Variants in PRKN observed in about 807,000 individuals in gnomAD.
PRKN encodes the protein parkin RBR E3 ubiquitin protein ligase, also known as E3 ubiquitin-protein ligase parkin.
PRKN carries 56 observed loss-of-function variants against 59.5 expected under a neutral mutation model. The ratio of observed to expected loss-of-function variants is 0.94; its 90% CI spans 0.76 to 1.18. The LOEUF is 1.18. Ranked by LOEUF, PRKN falls within the 50% of genes most tolerant of loss-of-function variation. The pLI is 0.00. For missense variants in PRKN, 657 were observed against 596.4 expected (o/e 1.10, Z -1.06); for synonymous variants, 250 against 222.1 (o/e 1.13, Z -1.12).
At chr6:162,479,374 T>C (rs1583644269) in intron 1 of PRKN, among the ~76,000 whole-genome samples, 1 of 152,006 alleles carries the variant, frequency 6.6e-6, no homozygotes, top group Admixed American at 6.6e-5. Context: ...TACAGGCGCA[T>C]GCCAACATCC....
At chr6:162,637,194 T>G (rs999046129) in intron 1 of PRKN, among the ~76,000 whole-genome samples, 1 of 151,190 alleles carries the variant, frequency 6.6e-6, no homozygotes, top group Non-Finnish European at 1.5e-5. Flanking sequence ...GAGGCAGAGG[T>G]TGCAGTGGGC....
intron 5 of PRKN, among the ~76,000 whole-genome samples, chr6:162,002,846 T>A (rs189465924): frequency 2.3e-4 from 35 of 152,264 alleles, no homozygotes; most frequent in African/African-American, 8.4e-4. Context: ...TCATCTGATT[T>A]CAAATACTCT....
At chr6:161,606,087 A>G (rs1297093961) in intron 7 of PRKN, among the ~76,000 whole-genome samples, 1 of 152,280 alleles carries the variant, frequency 6.6e-6, no homozygotes, top group Admixed American at 6.5e-5. Flanking sequence ...CTTTTCATGG[A>G]CAGAGACTGT....
At chr6:162,327,617 T>G (rs62430693) in intron 2 of PRKN, among the ~76,000 whole-genome samples, 3 of 72,730 alleles carry the variant, frequency 4.1e-5, no homozygotes, top group Admixed American at 1.5e-4. Flanking sequence ...TTGAAAATGT[T>G]AGGTCCTTGA....
chr6:161,664,366 T>C (rs1391389012), intron 7 of PRKN, among the ~76,000 whole-genome samples: 2 of 152,204 alleles, frequency 1.3e-5, no homozygotes, highest in Non-Finnish European at 2.9e-5. Context: ...GATGTTCAAT[T>C]TGTTCTCACT....
intron 1 of PRKN, among the ~76,000 whole-genome samples, chr6:162,725,588 C>A (rs1161817964): frequency 6.6e-6 from 1 of 151,790 alleles, no homozygotes; most frequent in Non-Finnish European, 1.5e-5. Context: ...TATGAAACTC[C>A]ATCTCTACAA....
At position 161,518,674 on chromosome 6, in the gene PRKN, G is replaced by A. The variant is rs1414354111; in HGVS notation, c.1083+30180C>T. ...CAGCCCCCTAGTGAGGTGAACCACG[G>A]CTCCTGTCCAGGGGCCCATTGCAAG... is the stretch of plus-strand genomic sequence containing the variant. On this transcript the variant is annotated intron_variant, in intron 9 of 11. Transcript: ENST00000366898. The surrounding 1 kb of genome is among the most constrained non-coding windows in gnomAD (Gnocchi z 5.0). Among the ~76,000 whole-genome samples, 4 of 152,202 alleles carry A rather than the reference G, an allele frequency of 2.6e-5. No individual in the cohort carries two copies. The highest frequency in any genetic ancestry group is 1.3e-4 in the Admixed American group (2 of 15,290).
chr6:161,366,658 T>C (rs1204746824), intron 10 of PRKN, among the ~76,000 whole-genome samples: 1 of 152,124 alleles, frequency 6.6e-6, no homozygotes, highest in East Asian at 1.9e-4. Context: ...TATGCAACTG[T>C]AACAACAGCT....
chr6:162,250,405 C>G (rs1025039006), intron 3 of PRKN, among the ~76,000 whole-genome samples: 11 of 152,090 alleles, frequency 7.2e-5, no homozygotes, highest in Non-Finnish European at 1.6e-4. Flanking sequence ...TAATATCCTC[C>G]CATTTATTTA....
intron 4 of PRKN, among the ~76,000 whole-genome samples, chr6:162,152,372 G>T (rs1284084913): frequency 6.6e-6 from 1 of 152,076 alleles, no homozygotes; most frequent in East Asian, 1.9e-4. Context: ...CACCCTTCCT[G>T]AATAGCCTAC....
chr6:161,890,861 G>A (rs1795316860), intron 6 of PRKN, among the ~76,000 whole-genome samples: 1 of 152,052 alleles, frequency 6.6e-6, no homozygotes, highest in South Asian at 2.1e-4. Context: ...CTCTGCCTCC[G>A]GGGTCTTAGA....
chr6:161,747,142 G>C (rs1314017888), intron 7 of PRKN, among the ~76,000 whole-genome samples: 1 of 152,130 alleles, frequency 6.6e-6, no homozygotes, highest in African/African-American at 2.4e-5. Flanking sequence ...TGTATTATGT[G>C]CTGGTCTTTG....
Position 161,801,369 on chromosome 6 carries a change from C to T in PRKN, c.735-15461G>A, listed in dbSNP as rs1394832591. Among the ~76,000 whole-genome samples, 3 of 152,270 alleles carry T rather than the reference C, an allele frequency of 2.0e-5. No homozygotes were observed. In the East Asian group the frequency reaches 5.8e-4, roughly 29 times the overall value. ...GATGTGCAGAAGTCAGTTTAGTTCA[C>T]GGTTCTTTCGGGAGAAAGATGGGGC... is the stretch of plus-strand genomic sequence containing the variant. On this transcript the variant is annotated intron_variant, in intron 6 of 11. Coordinates refer to ENST00000366898, the MANE Select transcript of PRKN (RefSeq NM_004562.3).
intron 1 of PRKN, among the ~76,000 whole-genome samples, chr6:162,595,538 G>A (rs1393583723): frequency 6.6e-6 from 1 of 152,138 alleles, no homozygotes; most frequent in Non-Finnish European, 1.5e-5. Context: ...TTACAGGCGT[G>A]AGCCACTGCG....
intron 4 of PRKN, among the ~76,000 whole-genome samples, chr6:162,137,087 TC>T (rs1358647659): frequency 3.9e-5 from 6 of 152,100 alleles, no homozygotes; most frequent in African/African-American, 1.4e-4. Context: ...AAACACTCAA[TC>T]TATTCTAAGA....
Position 162,653,628 on chromosome 6 carries a change from A to G in PRKN, c.7+74034T>C, listed in dbSNP as rs942447889. 6.6e-5 allele frequency among the ~76,000 whole-genome samples: 10 copies of G among 152,130 alleles called. No homozygotes were observed. In the East Asian group the frequency reaches 1.9e-3, roughly 29 times the overall value. ...CCTCAATTCCTTACATTCACATTGA[A>G]TTATTTATATGGTTATTTAATTTTT... On this transcript the variant is annotated intron_variant, in intron 1 of 11. Coordinates refer to ENST00000366898, the MANE Select transcript of PRKN (RefSeq NM_004562.3).
chr6:162,319,754 A>G (rs1782908190), intron 2 of PRKN, among the ~76,000 whole-genome samples: 1 of 152,068 alleles, frequency 6.6e-6, no homozygotes, highest in Non-Finnish European at 1.5e-5. Context: ...AAATTAAGAG[A>G]GACAAATTGC....
intron 4 of PRKN, among the ~76,000 whole-genome samples, chr6:162,069,806 C>A (rs141577505): frequency 4.2e-4 from 64 of 152,212 alleles, no homozygotes; most frequent in Non-Finnish European, 8.5e-4. Context: ...TAAGAAGACA[C>A]CTAATCTAGT....
chr6:161,936,276 C>T (rs917999520), intron 6 of PRKN, among the ~76,000 whole-genome samples: 12 of 145,108 alleles, frequency 8.3e-5, no homozygotes, highest in African/African-American at 3.1e-4. Context: ...GTGGTGTGAT[C>T]TCGGCTCATT....
Sources: gnomAD v4.1 joint callset for allele counts (sites outside exome capture counted in the v4.1 genomes callset) on GRCh38, gnomAD v4.1.1 for gene constraint, Gnocchi (gnomAD v3.1) non-coding constraint, MANE v1.5 for transcripts, NCBI Gene and HGNC (gene_info 2026-07-23, HGNC 2026-07-21) for gene names.